The following ENOX1 variants were observed in gnomAD, a reference collection of about 807,000 sequenced individuals.
The protein encoded by ENOX1 is candidate growth-related and time keeping constitutive hydroquinone (NADH) oxidase.
Under a neutral mutation model 82.5 loss-of-function variants are expected in ENOX1, and 42 were observed. That is an observed-to-expected ratio of 0.51 (90% CI 0.40 to 0.66). The LOEUF is 0.66. Among genes scored for constraint, ENOX1 ranks in the 30% least tolerant of loss-of-function variants. The pLI, the probability that ENOX1 is intolerant of heterozygous loss-of-function variation, is 0.00. For missense variants in ENOX1, 608 were observed against 811.6 expected, an observed-to-expected ratio of 0.75 and a Z score of 3.05; for synonymous variants, 271 against 282.2, an observed-to-expected ratio of 0.96 and a Z score of 0.40.
intron 1 of ENOX1, among the ~76,000 whole-genome samples, chr13:43,750,176 G>T (rs79469165): frequency 6.6e-6 from 1 of 152,082 alleles, no homozygotes; most frequent in Non-Finnish European, 1.5e-5. Flanking sequence ...ACTCCCAGGA[G>T]GAAGAAAAAA....
At chr13:43,564,867 T>C (rs2079849629) in intron 2 of ENOX1, among the ~76,000 whole-genome samples, 1 of 152,102 alleles carries the variant, frequency 6.6e-6, no homozygotes, top group East Asian at 1.9e-4. Context: ...GAAGGCAGAG[T>C]AATGATATTG....
intron 1 of ENOX1, among the ~76,000 whole-genome samples, chr13:43,729,266 A>T (rs1015939232): frequency 2.0e-5 from 3 of 152,230 alleles, no homozygotes; most frequent in Non-Finnish European, 2.9e-5. Flanking sequence ...TATTTAACTC[A>T]GATTACACCA....
At chr13:43,354,460 C>T (rs778945260) in intron 8 of ENOX1, among the ~76,000 whole-genome samples, 9 of 150,282 alleles carry the variant, frequency 6.0e-5, no homozygotes, top group East Asian at 2.0e-4. Context: ...ACAGCACCCC[C>T]GCTGCCACCT....
chr13:43,723,514 C>T (rs1003303998), intron 1 of ENOX1, among the ~76,000 whole-genome samples: 2 of 152,084 alleles, frequency 1.3e-5, no homozygotes, highest in Non-Finnish European at 2.9e-5. Flanking sequence ...CGACTCTATC[C>T]GCTATTCCTA....
intron 1 of ENOX1, among the ~76,000 whole-genome samples, chr13:43,709,777 ATCT>A (rs1245314637): frequency 2.6e-5 from 4 of 152,234 alleles, no homozygotes; most frequent in African/African-American, 9.6e-5. Flanking sequence ...AGAATATCAA[ATCT>A]TCTTGAAAAT....
At chr13:43,303,197 G>A (rs1197450772) in intron 11 of ENOX1, among the ~76,000 whole-genome samples, 1 of 152,206 alleles carries the variant, frequency 6.6e-6, no homozygotes, top group Non-Finnish European at 1.5e-5. Flanking sequence ...CCTGAACACA[G>A]GAGGGCAGAG....
chr13:43,382,357 G>T (rs1025885391), intron 5 of ENOX1, among the ~76,000 whole-genome samples: 1 of 151,992 alleles, frequency 6.6e-6, no homozygotes, highest in Non-Finnish European at 1.5e-5. Context: ...CTCAGTAAAG[G>T]TTATGTACTT....
intron 5 of ENOX1, among the ~76,000 whole-genome samples, chr13:43,362,156 TAC>T (rs10531058): frequency 0.12 from 16,869 of 145,672 alleles, 956 homozygotes; most frequent in Middle Eastern, 0.15. Flanking sequence ...TGCCCTGTAT[TAC>T]ACACACACAC....
chr13:43,659,592 C>G (rs1042667184), intron 2 of ENOX1, among the ~76,000 whole-genome samples: 2 of 151,846 alleles, frequency 1.3e-5, no homozygotes, highest in African/African-American at 4.8e-5. Context: ...TAGACATTTC[C>G]TTAAATGTCT....
chr13:43,506,952 A>G lies in ENOX1; in HGVS notation c.-218-22800T>C, dbSNP rs529609517. On this transcript the variant is annotated intron_variant, in intron 2 of 16. Coordinates refer to ENST00000690772, the MANE Select transcript of ENOX1 (RefSeq NM_001347969.2). ...GTATACATATGTAACAAACCTGCAC[A>G]TTGTGCACATGTACCCTAAAACTTA... is the stretch of plus-strand genomic sequence containing the variant. 2.6e-4 allele frequency among the ~76,000 whole-genome samples: 39 copies of G among 148,722 alleles called. No homozygotes were observed. The South Asian group carries it at 8.2e-3, about 31-fold the overall frequency.
At chr13:43,616,881 T>A (rs2082502582) in intron 2 of ENOX1, among the ~76,000 whole-genome samples, 1 of 152,132 alleles carries the variant, frequency 6.6e-6, no homozygotes, top group Admixed American at 6.6e-5. Flanking sequence ...TTGAAACTCA[T>A]ATCTACTTAC....
intron 1 of ENOX1, among the ~76,000 whole-genome samples, chr13:43,740,594 T>C (rs939726962): frequency 1.3e-5 from 2 of 152,112 alleles, no homozygotes; most frequent in Non-Finnish European, 2.9e-5. Flanking sequence ...TTAAGCCTAG[T>C]ACCAATTACT....
chr13:43,334,079 C>T (rs2048565704), intron 9 of ENOX1, among the ~76,000 whole-genome samples: 1 of 152,216 alleles, frequency 6.6e-6, no homozygotes, highest in Non-Finnish European at 1.5e-5. Context: ...TCCAGACCTA[C>T]CAAAGGTGAA....
chr13:43,563,420 A>G (rs1001825244), intron 2 of ENOX1, among the ~76,000 whole-genome samples: 1 of 152,062 alleles, frequency 6.6e-6, no homozygotes, highest in African/African-American at 2.4e-5. Flanking sequence ...TAGCTACACT[A>G]TAAAAGAAGA....
At chr13:43,483,520 T>A (rs2058586164) in intron 3 of ENOX1, among the ~76,000 whole-genome samples, 1 of 152,110 alleles carries the variant, frequency 6.6e-6, no homozygotes. Flanking sequence ...AATCATAGGG[T>A]GAATATCCTC....
chr13:43,533,109 A>G (rs1379620424), intron 2 of ENOX1, among the ~76,000 whole-genome samples: 1 of 152,130 alleles, frequency 6.6e-6, no homozygotes, highest in Non-Finnish European at 1.5e-5. Flanking sequence ...GAATATACAT[A>G]CATTTCTTGA....
At chr13:43,586,763 G>T (rs775897059) in intron 2 of ENOX1, among the ~76,000 whole-genome samples, 1 of 152,090 alleles carries the variant, frequency 6.6e-6, no homozygotes, top group Non-Finnish European at 1.5e-5. Flanking sequence ...CAGTGAGCAG[G>T]TGCAAGATTT....
chr13:43,330,573 C>T (rs1392359006), intron 9 of ENOX1, among the ~76,000 whole-genome samples: 2 of 152,130 alleles, frequency 1.3e-5, no homozygotes, highest in Non-Finnish European at 2.9e-5. Context: ...TCTTTCCCCC[C>T]CAATTCTGTG....
At chr13:43,681,014 T>A (rs2153797568) in intron 1 of ENOX1, among the ~76,000 whole-genome samples, 1 of 152,172 alleles carries the variant, frequency 6.6e-6, no homozygotes, top group East Asian at 1.9e-4. Context: ...GAGGTGCATT[T>A]CTGTATTATC....
Sources: gnomAD v4.1 joint callset for allele counts (sites outside exome capture counted in the v4.1 genomes callset) on GRCh38, gnomAD v4.1.1 for gene constraint, MANE v1.5 for transcripts, NCBI Gene and HGNC (gene_info 2026-07-23, HGNC 2026-07-21) for gene names.